The following WT1 variants were observed in gnomAD, a reference collection of about 807,000 sequenced individuals.
WT1 encodes the protein Wilms tumor protein.
WT1 carries 8 observed loss-of-function variants against 60.8 expected under a neutral mutation model. The ratio of observed to expected loss-of-function variants is 0.13; its 90% CI spans 0.08 to 0.24. The LOEUF (loss-of-function observed/expected upper bound fraction) is 0.24. WT1 is among the 10% of genes least tolerant of loss of function. The pLI is 1.00. For missense variants in WT1, 568 were observed against 711.8 expected (o/e 0.80, Z 2.30); for synonymous variants, 312 against 297.1 (o/e 1.05, Z -0.52).
At chr11:32,402,181 A>G (rs997433832) in intron 5 of WT1, among the ~76,000 whole-genome samples, 3 of 152,214 alleles carry the variant, frequency 2.0e-5, no homozygotes, top group Non-Finnish European at 4.4e-5. Context: ...CTAACCTACC[A>G]TATCTTGTCT....
intron 5 of WT1, among the ~76,000 whole-genome samples, chr11:32,402,907 G>C (rs1852198503): frequency 6.6e-6 from 1 of 152,124 alleles, no homozygotes. Flanking sequence ...TTAAAGTTCT[G>C]CCATCGAAGG....
chr11:32,428,196 C>G, intron 2 of WT1, 138 bp from the exon 3 acceptor site: 1 of 921,770 alleles, frequency 1.1e-6, no homozygotes, highest in Admixed American at 2.6e-5. Context: ...CAGAGCGAGG[C>G]CGTCCAGAAT....
intron 7 of WT1, among the ~76,000 whole-genome samples, chr11:32,394,121 C>T (rs1203693877): frequency 2.0e-5 from 3 of 152,118 alleles, no homozygotes; most frequent in Non-Finnish European, 4.4e-5. Flanking sequence ...TGGTCTTGAA[C>T]CCCTTAAGCA....
At chr11:32,433,129 A>G (rs1269653719) in intron 1 of WT1, among the ~76,000 whole-genome samples, 4 of 152,224 alleles carry the variant, frequency 2.6e-5, no homozygotes, top group Non-Finnish European at 4.4e-5. Flanking sequence ...ACTGAGACCT[A>G]GAAACTCCCC....
chr11:32,433,584 T>C (rs1271441264), intron 1 of WT1, among the ~76,000 whole-genome samples: 1 of 152,244 alleles, frequency 6.6e-6, no homozygotes, highest in Non-Finnish European at 1.5e-5. Flanking sequence ...CATCCGCCAT[T>C]GTATTAGTAA....
At position 32,435,510 on chromosome 11, in the gene WT1, G is replaced by C. The variant is rs1853493715; in HGVS notation, c.-150C>G. Reference sequence around the variant, plus strand: ...TTGCGGAGAGCCCCCGGGTGTGGGCGCTGCCTTGAACTCCTTACCCCAGCT... The same window carrying C: ...TTGCGGAGAGCCCCCGGGTGTGGGCCCTGCCTTGAACTCCTTACCCCAGCT... On this transcript the variant is annotated 5_prime_UTR_variant, in exon 1 of 10. Transcript: ENST00000452863. 2 of 1,288,110 alleles carry C rather than the reference G, an allele frequency of 1.6e-6. No individual in the cohort carries two copies. Among genetic ancestry groups the C allele is most frequent in the African/African-American group, 2.9e-5 (2 of 67,800 alleles). 79.8% of individuals were successfully genotyped at this position (1,288,110 alleles called of 1,614,324 possible).
intron 4 of WT1, among the ~76,000 whole-genome samples, chr11:32,417,248 A>AT (rs1852703689): frequency 6.6e-6 from 1 of 152,196 alleles, no homozygotes; most frequent in East Asian, 1.9e-4. Flanking sequence ...AAGATAGTGG[A>AT]ATGGTTAACA....
At chr11:32,408,624 C>T (rs1852401224) in intron 5 of WT1, among the ~76,000 whole-genome samples, 1 of 142,362 alleles carries the variant, frequency 7.0e-6, no homozygotes, top group Admixed American at 7.1e-5. Context: ...AGAGAAAGAA[C>T]AGAAAAAAAG....
At chr11:32,392,152 C>A in intron 8 of WT1, 88 bp from the exon 9 acceptor site, 2 of 1,160,536 alleles carry the variant, frequency 1.7e-6, no homozygotes, top group South Asian at 1.2e-5. Context: ...CTGGAGGAGC[C>A]CAGCATTTCC....
In WT1 at chr11:32,433,547, C is replaced by T. The variant is rs374871035; in HGVS notation, c.661+1153G>A. On this transcript the variant is annotated intron_variant, in intron 1 of 9. Transcript: ENST00000452863. ...TCCAAAAACATCCCGGTCCCTAGGC[C>T]CTCGAGTAATTTTGCTCCAGGAAAA... 9.8e-5 allele frequency among the ~76,000 whole-genome samples: 15 copies of T among 152,368 alleles called. No individual in the cohort carries two copies. In the East Asian group the frequency reaches 1.2e-3, roughly 12 times the overall value.
chr11:32,389,718 T>C (rs1851760545), intron 9 of WT1, among the ~76,000 whole-genome samples: 1 of 152,142 alleles, frequency 6.6e-6, no homozygotes. Flanking sequence ...CTGATACCAG[T>C]TTACATGTTA....
intron 1 of WT1, chr11:32,430,967 C>A: frequency 1.8e-6 from 1 of 560,356 alleles, no homozygotes; most frequent in Non-Finnish European, 2.3e-6. Context: ...GAAGGAGCAG[C>A]GTGTTCAAAG....
rs182885438 is a variant in WT1, at chr11:32,395,309, C to T, written c.1264+948G>A. 5.2e-4 allele frequency among the ~76,000 whole-genome samples: 79 copies of T among 152,312 alleles called. 1 individual carries two copies. Among genetic ancestry groups the T allele is most frequent in the Non-Finnish European group, 9.6e-4 (65 of 68,026 alleles). On this transcript the variant is annotated intron_variant, in intron 7 of 9. Transcript: ENST00000452863. ...ACACTCCCACACTCCCACCTAGTGC[C>T]CACAAGGCCCAGAGTAAACGTTCTG...
rs756490733 is a variant in WT1, at chr11:32,431,434, C to CTT, written c.662-2817_662-2816dup. The stretch of plus-strand genomic sequence containing the variant: ...GGATCAGTGGACTAGCAGGCAACCT[C>CTT]TTTTTTTTTTTTTTTTTTCCGAGAC... On this transcript the variant is annotated intron_variant, in intron 1 of 9. Coordinates refer to ENST00000452863, the MANE Select transcript of WT1 (RefSeq NM_024426.6). Among the ~76,000 whole-genome samples, 967 of 117,522 alleles carry CTT rather than the reference C, an allele frequency of 8.2e-3. 21 individuals carry two copies. The highest frequency in any genetic ancestry group is 0.034 in the African/African-American group (882 of 26,106). The allele number at this position is 117,522 out of a possible 152,430, so 77.1% of individuals were successfully genotyped here. A position where few individuals can be genotyped will look rare whatever the true frequency, so the allele number is the denominator to read the frequency against.
intron 1 of WT1, among the ~76,000 whole-genome samples, chr11:32,431,150 C>G (rs888427884): frequency 2.6e-5 from 4 of 152,202 alleles, no homozygotes; most frequent in Non-Finnish European, 5.9e-5. Flanking sequence ...AACCGCCTGG[C>G]CTGGCCGGGC....
At chr11:32,408,213 G>GA (rs528702262) in intron 5 of WT1, among the ~76,000 whole-genome samples, 2,188 of 107,980 alleles carry the variant, frequency 0.02, 53 homozygotes, top group African/African-American at 0.052. Flanking sequence ...CTCCATCTCA[G>GA]AAAAAAAAAA....
chr11:32,393,946 G>A (rs1402717876), intron 7 of WT1, among the ~76,000 whole-genome samples: 17 of 152,254 alleles, frequency 1.1e-4, no homozygotes, highest in East Asian at 7.7e-4. Context: ...AGACTAAAGC[G>A]CAGTGGTGTG....
intron 6 of WT1, 88 bp downstream of exon 6, chr11:32,399,858 CAA>C (rs955323421): frequency 4.3e-6 from 6 of 1,408,146 alleles, no homozygotes; most frequent in Non-Finnish European, 4.9e-6. Flanking sequence ...CTGCCAGGGC[CAA>C]AGAGTCCATC....
In WT1 at chr11:32,392,874, T is replaced by A; in HGVS notation, c.1265-119A>T. ...AATGCCTAAGGCACTTCGCTGGAGCTTGTTAGGGTAGGATGATCCCCAACT... is the reference window on the plus strand; with the variant it reads ...AATGCCTAAGGCACTTCGCTGGAGCATGTTAGGGTAGGATGATCCCCAACT... On this transcript the variant is annotated intron_variant, in intron 7 of 9. Transcript: ENST00000452863. 3.5e-6 allele frequency: 3 copies of A among 852,366 alleles called. No homozygotes were observed. In the South Asian group the frequency reaches 4.3e-5, roughly 12 times the overall value. 52.8% of individuals were successfully genotyped at this position (852,366 alleles called of 1,614,324 possible). A position where few individuals can be genotyped will look rare whatever the true frequency, so the allele number is the denominator to read the frequency against.
Sources: gnomAD v4.1 joint callset for allele counts (sites outside exome capture counted in the v4.1 genomes callset) on GRCh38, gnomAD v4.1.1 for gene constraint, MANE v1.5 for transcripts, NCBI Gene and HGNC (gene_info 2026-07-23, HGNC 2026-07-21) for gene names.